Variants in APOL5 observed in about 807,000 individuals in gnomAD.
APOL5 encodes the protein apolipoprotein L5.
APOL5 carries 29 observed loss-of-function variants against 35.5 expected under a neutral mutation model. The ratio of observed to expected loss-of-function variants is 0.82; its 90% CI spans 0.61 to 1.11. The LOEUF is 1.11. APOL5 is among the 50% of genes most tolerant of loss of function. The pLI, the probability that APOL5 is intolerant of heterozygous loss-of-function variation, is 0.00. For synonymous variants in APOL5, 188 were observed against 200.2 expected (o/e 0.94, Z 0.51); for missense variants, 514 against 530.4 (o/e 0.97, Z 0.30).
At chr22:35,723,950 C>G (rs533177617) in intron 2 of APOL5, among the ~76,000 whole-genome samples, 1 of 152,252 alleles carries the variant, frequency 6.6e-6, no homozygotes, top group African/African-American at 2.4e-5. Flanking sequence ...GAGTGAGACT[C>G]CATCTCAAAA....
chr22:35,727,141 G>A lies in APOL5; in HGVS notation c.1073G>A (p.Cys358Tyr), dbSNP rs528066860. The change falls in exon 3 of 5, where the codon TGT becomes TAT. Residue 358 changes from cysteine to tyrosine, a missense_variant. This residue lies in a region of APOL5 where 238 missense variants were observed against 229.1 expected (regional missense o/e 1.04). Transcript: ENST00000249044. Reference sequence around the variant, plus strand: ...CTGCCGCAGAAGGCGAGCCAGACCTGTTCCAGCTCCCGGGGCAGGGCTGTT... The same window carrying A: ...CTGCCGCAGAAGGCGAGCCAGACCTATTCCAGCTCCCGGGGCAGGGCTGTT... ...RHLPQKASQT[C>Y]SSSRGRAVRG... 1.2e-6 allele frequency: 2 copies of A among 1,609,104 alleles called. No homozygotes were observed. Among genetic ancestry groups the A allele is most frequent in the Non-Finnish European group, 8.5e-7 (1 of 1,179,990 alleles).
intron 3 of APOL5, 111 bp downstream of exon 3, chr22:35,727,305 C>T: frequency 1.4e-6 from 2 of 1,457,032 alleles, no homozygotes; most frequent in Non-Finnish European, 1.8e-6. Context: ...CTACAGCTGC[C>T]CCTTCTGCAA....
chr22:35,718,081 C>A (rs1184331520), intron 1 of APOL5, among the ~76,000 whole-genome samples, 155 bp downstream of exon 1: 1 of 152,210 alleles, frequency 6.6e-6, no homozygotes, highest in African/African-American at 2.4e-5. Context: ...AGGGAGATAT[C>A]ATGAGACCCT....
chr22:35,712,614 A>G, the APOL5 span, among the ~76,000 whole-genome samples: 733 of 152,288 alleles, frequency 4.8e-3, 4 homozygotes, highest in Middle Eastern at 0.017. Context: ...ATCTATTCAC[A>G]TCCTTTGTCC....
At chr22:35,708,734 G>A in the APOL5 span, among the ~76,000 whole-genome samples, 175 of 152,276 alleles carry the variant, frequency 1.1e-3, 1 homozygote, top group Admixed American at 4.1e-3. Flanking sequence ...ACTCCCTTGA[G>A]TAGTTATATA....
chr22:35,724,184 C>A (rs5999980), intron 2 of APOL5, among the ~76,000 whole-genome samples: 1 of 151,412 alleles, frequency 6.6e-6, no homozygotes, highest in South Asian at 2.1e-4. Flanking sequence ...AAGTAAGTGT[C>A]GCTAGGTGTG....
chr22:35,728,519 G>A (rs1345065476), intron 3 of APOL5, among the ~76,000 whole-genome samples: 2 of 152,212 alleles, frequency 1.3e-5, no homozygotes, highest in African/African-American at 4.8e-5. Flanking sequence ...AACCGCGCCC[G>A]GCCGACTTTA....
chr22:35,717,235 A>AAAAAAAAAAAATATATATATAT, upstream of APOL5, among the ~76,000 whole-genome samples: 1 of 57,664 alleles, frequency 1.7e-5, no homozygotes, highest in Non-Finnish European at 3.1e-5. Context: ...AAAAAAAAAA[A>AAAAAAAAAAAATATATATATAT]ATATATATAT....
At chr22:35,727,290 C>A in intron 3 of APOL5, 96 bp downstream of exon 3, 2 of 1,492,016 alleles carry the variant, frequency 1.3e-6, no homozygotes, top group Non-Finnish European at 1.8e-6. Context: ...CACATCAGTG[C>A]ATAACTACAG....
chr22:35,709,880 A>G, the APOL5 span, among the ~76,000 whole-genome samples: 5 of 151,846 alleles, frequency 3.3e-5, no homozygotes, highest in African/African-American at 1.2e-4. Flanking sequence ...AAGCTCCACC[A>G]GCTTCCATGT....
upstream of APOL5, among the ~76,000 whole-genome samples, chr22:35,717,213 C>T (rs1926773447): frequency 1.3e-5 from 1 of 75,774 alleles, no homozygotes; most frequent in Non-Finnish European, 2.6e-5. Flanking sequence ...TGGTGAATCT[C>T]CATCTCTACA....
chr22:35,724,204 G>A lies in APOL5; in HGVS notation c.143-2007G>A, dbSNP rs139925149. On this transcript the variant is annotated intron_variant, in intron 2 of 4. Transcript: ENST00000249044. Reference sequence around the variant, plus strand: ...AGTGTCGCTAGGTGTGGTTGCATGCGCCTGTAGTCCCAGCTGCTGGAGAAG... The same window carrying A: ...AGTGTCGCTAGGTGTGGTTGCATGCACCTGTAGTCCCAGCTGCTGGAGAAG... 9.2e-5 allele frequency among the ~76,000 whole-genome samples: 14 copies of A among 151,602 alleles called. No individual in the cohort carries two copies. The East Asian group carries it at 2.5e-3, about 27-fold the overall frequency.
At chr22:35,717,748 AAAAAAG>A (rs1319507419), upstream of APOL5, 7 of 356,100 alleles carry the variant, frequency 2.0e-5, no homozygotes, top group African/African-American at 5.4e-5. Context: ...CAAAAAAAAA[AAAAAAG>A]AAAGAAAAGA....
intron 3 of APOL5, among the ~76,000 whole-genome samples, chr22:35,728,437 A>C (rs945976105): frequency 1.3e-5 from 2 of 152,054 alleles, no homozygotes; most frequent in African/African-American, 4.8e-5. Context: ...GTTAGCCAGG[A>C]TGGTCTCGAT....
At chr22:35,729,024 C>T in intron 4 of APOL5, 120 bp downstream of exon 4, 1 of 1,174,480 alleles carries the variant, frequency 8.5e-7, no homozygotes, top group Non-Finnish European at 1.1e-6. Flanking sequence ...GAGGTTGTTG[C>T]TACCTTTCCA....
intron 3 of APOL5, among the ~76,000 whole-genome samples, chr22:35,727,607 G>A (rs1271124186): frequency 6.6e-6 from 1 of 152,128 alleles, no homozygotes; most frequent in East Asian, 1.9e-4. Flanking sequence ...CGGTTCCTGG[G>A]TAGAGGCCAC....
chr22:35,717,235 A>AAAAAAAATAT, upstream of APOL5, among the ~76,000 whole-genome samples: 7 of 57,662 alleles, frequency 1.2e-4, no homozygotes, highest in African/African-American at 5.6e-4. Context: ...AAAAAAAAAA[A>AAAAAAAATAT]ATATATATAT....
rs139837939 is a variant in APOL5, at chr22:35,726,737, C to T, written c.669C>T (p.Ile223=). The T allele has an allele frequency of 3.1e-6, 5 of 1,614,188 alleles. No individual in the cohort carries two copies. The highest frequency in any genetic ancestry group is 1.7e-5 in the Admixed American group (1 of 60,024). Reference sequence around the variant, plus strand: ...TCGGAGGAATAAATTGGTCTGAAATCGAGGCTGCTGGCTTTTGTGTTAATA... The same window carrying T: ...TCGGAGGAATAAATTGGTCTGAAATTGAGGCTGCTGGCTTTTGTGTTAATA... ...EAFGGINWSE[I]EAAGFCVNKC... is the part of the protein sequence containing the mutation. The change falls in exon 3 of 5, where the codon ATC becomes ATT. Residue 223 remains isoleucine, a synonymous_variant. Transcript: ENST00000249044.
At chr22:35,718,039 G>T (rs943322471) in intron 1 of APOL5, 113 bp downstream of exon 1, 6 of 776,598 alleles carry the variant, frequency 7.7e-6, no homozygotes, top group African/African-American at 5.4e-5. Context: ...GCTATTGCTG[G>T]GTGGAGATAT....
Sources: gnomAD v4.1 joint callset for allele counts (sites outside exome capture counted in the v4.1 genomes callset) on GRCh38, gnomAD v4.1.1 for gene constraint, gnomAD v4.1.1 regional missense constraint, MANE v1.5 for transcripts, NCBI Gene and HGNC (gene_info 2026-07-23, HGNC 2026-07-21) for gene names.